Variants in PELI2 observed in about 807,000 individuals in gnomAD.
PELI2 encodes E3 ubiquitin-protein ligase pellino homolog 2.
Under a neutral mutation model 42.3 loss-of-function variants are expected in PELI2, and 23 were observed. The ratio of observed to expected loss-of-function variants is 0.54; its 90% CI spans 0.39 to 0.77. The LOEUF is 0.77. Among genes scored for constraint, PELI2 ranks in the 30% least tolerant of loss-of-function variants. The pLI, the probability that PELI2 is intolerant of heterozygous loss-of-function variation, is 0.00. For missense variants in PELI2, 463 were observed against 553.2 expected, an observed-to-expected ratio of 0.84 and a Z score of 1.64; for synonymous variants, 245 against 212.2, an observed-to-expected ratio of 1.15 and a Z score of -1.34.
chr14:56,120,687 G>A (rs1245453628), intron 1 of PELI2, among the ~76,000 whole-genome samples: 2 of 152,188 alleles, frequency 1.3e-5, no homozygotes, highest in African/African-American at 4.8e-5. Context: ...TTAGAGTGGA[G>A]TGACAGGCAT....
At chr14:56,276,081 A>C (rs1045945159) in intron 2 of PELI2, among the ~76,000 whole-genome samples, 3 of 152,202 alleles carry the variant, frequency 2.0e-5, no homozygotes, top group Non-Finnish European at 4.4e-5. Context: ...GTCATATTTT[A>C]AATGTTAAAA....
At chr14:56,223,598 G>A (rs1887231423) in intron 2 of PELI2, among the ~76,000 whole-genome samples, 2 of 152,190 alleles carry the variant, frequency 1.3e-5, no homozygotes, top group Non-Finnish European at 2.9e-5. Context: ...GTAGAGAGAG[G>A]AAAATCTAAT....
intron 1 of PELI2, among the ~76,000 whole-genome samples, chr14:56,157,197 A>G (rs541806652): frequency 2.6e-5 from 4 of 152,324 alleles, no homozygotes; most frequent in African/African-American, 9.6e-5. Flanking sequence ...TGGTTGTGGC[A>G]AACATCATTT....
intron 2 of PELI2, among the ~76,000 whole-genome samples, chr14:56,210,087 A>C (rs1886659143): frequency 6.6e-6 from 1 of 152,146 alleles, no homozygotes; most frequent in Non-Finnish European, 1.5e-5. Context: ...CTTTAGTGTG[A>C]TAATGGTACT....
In PELI2 at chr14:56,176,299, C is replaced by T. The variant is rs569499234; in HGVS notation, c.78-2036C>T. Among the ~76,000 whole-genome samples, 25 of 152,276 alleles carry T rather than the reference C, an allele frequency of 1.6e-4. 1 individual carries two copies. The South Asian group carries it at 5.2e-3, about 32-fold the overall frequency. ...TATAGTTGAGGCAAGAAAGATGCAG[C>T]GCAGAGTTGTGCCAAACCCCTCTCA... On this transcript the variant is annotated intron_variant, in intron 1 of 5. Transcript: ENST00000267460.
intron 1 of PELI2, among the ~76,000 whole-genome samples, chr14:56,160,443 G>C (rs1345200006): frequency 6.6e-6 from 1 of 152,176 alleles, no homozygotes; most frequent in Non-Finnish European, 1.5e-5. Context: ...ATGAATGATG[G>C]TGTGTGGGTA....
chr14:56,173,498 C>G (rs1885255507), intron 1 of PELI2, among the ~76,000 whole-genome samples: 1 of 152,178 alleles, frequency 6.6e-6, no homozygotes, highest in Non-Finnish European at 1.5e-5. Context: ...TGCTTTGGTT[C>G]AGGCTTTTAT....
chr14:56,263,610 T>C (rs1888799834), intron 2 of PELI2, among the ~76,000 whole-genome samples: 1 of 152,160 alleles, frequency 6.6e-6, no homozygotes, highest in Non-Finnish European at 1.5e-5. Context: ...TCAGATTTTA[T>C]AGCTGGGAGA....
At chr14:56,280,796 A>G (rs1889458473) in intron 3 of PELI2, among the ~76,000 whole-genome samples, 1 of 152,128 alleles carries the variant, frequency 6.6e-6, no homozygotes, top group Admixed American at 6.6e-5. Flanking sequence ...CAAAAATTAG[A>G]AGTCGAACTA....
Position 56,175,211 on chromosome 14 carries a change from G to C in PELI2, c.78-3124G>C, listed in dbSNP as rs1057391354. 2.0e-5 allele frequency among the ~76,000 whole-genome samples: 3 copies of C among 152,064 alleles called. 1 individual carries two copies. The highest frequency in any genetic ancestry group is 4.1e-4 in the South Asian group (2 of 4,824). ...GGGTTTTGACACATTGCCCAGGCTGGTCTCGAACTCCTGGGCTCAAGCTGT... is the reference window on the plus strand; with the variant it reads ...GGGTTTTGACACATTGCCCAGGCTGCTCTCGAACTCCTGGGCTCAAGCTGT... On this transcript the variant is annotated intron_variant, in intron 1 of 5. Transcript: ENST00000267460.
At chr14:56,177,669 A>G (rs558121344) in intron 1 of PELI2, among the ~76,000 whole-genome samples, 1 of 152,352 alleles carries the variant, frequency 6.6e-6, no homozygotes, top group East Asian at 1.9e-4. Flanking sequence ...TGTTTTCCAG[A>G]TGACTTCTAA....
At chr14:56,158,920 T>G (rs1035284667) in intron 1 of PELI2, among the ~76,000 whole-genome samples, 1 of 152,222 alleles carries the variant, frequency 6.6e-6, no homozygotes, top group Non-Finnish European at 1.5e-5. Flanking sequence ...TATATACTCA[T>G]TTTTAAAAAG....
chr14:56,192,224 A>C (rs1885972622), intron 2 of PELI2, among the ~76,000 whole-genome samples: 1 of 152,182 alleles, frequency 6.6e-6, no homozygotes, highest in Admixed American at 6.5e-5. Flanking sequence ...TTTTAGCACC[A>C]ATTTACTGAA....
At chr14:56,285,940 A>G (rs1455801322) in intron 3 of PELI2, among the ~76,000 whole-genome samples, 1 of 152,200 alleles carries the variant, frequency 6.6e-6, no homozygotes, top group Non-Finnish European at 1.5e-5. Flanking sequence ...TTGTTAAAAT[A>G]CAGAATGAGA....
At chr14:56,171,890 C>T (rs913189519) in intron 1 of PELI2, among the ~76,000 whole-genome samples, 3 of 152,086 alleles carry the variant, frequency 2.0e-5, no homozygotes, top group Non-Finnish European at 4.4e-5. Context: ...GTGGTGTGCA[C>T]CTGTCGTCCC....
At chr14:56,259,528 A>G (rs1477537919) in intron 2 of PELI2, among the ~76,000 whole-genome samples, 2 of 152,184 alleles carry the variant, frequency 1.3e-5, no homozygotes, top group Non-Finnish European at 2.9e-5. Context: ...AATTCTACAG[A>G]CCAAAAAGGA....
chr14:56,134,268 A>G (rs1241448596), intron 1 of PELI2, among the ~76,000 whole-genome samples: 2 of 152,224 alleles, frequency 1.3e-5, no homozygotes, highest in African/African-American at 4.8e-5. Context: ...GCCTTAAATG[A>G]TCTTTCTTAG....
At chr14:56,207,921 C>T (rs1302444583) in intron 2 of PELI2, among the ~76,000 whole-genome samples, 1 of 152,198 alleles carries the variant, frequency 6.6e-6, no homozygotes, top group Non-Finnish European at 1.5e-5. Context: ...ATCCAAATGA[C>T]AGGCACGTTG....
intron 1 of PELI2, among the ~76,000 whole-genome samples, chr14:56,143,011 C>T (rs749401565): frequency 6.6e-6 from 1 of 152,136 alleles, no homozygotes; most frequent in African/African-American, 2.4e-5. Context: ...GCTGAAACTA[C>T]GGATCTTCTA....
Sources: allele counts gnomAD v4.1 joint callset (sites outside exome capture counted in the v4.1 genomes callset), GRCh38; gene constraint gnomAD v4.1.1; transcripts MANE v1.5; gene names NCBI Gene and HGNC (gene_info 2026-07-23, HGNC 2026-07-21).